Variants in TMCC3 observed in about 807,000 individuals in gnomAD.
TMCC3 encodes the protein transmembrane and coiled-coil domain family 3, also known as transmembrane and coiled-coil domain protein 3.
TMCC3 carries 28 observed loss-of-function variants against 40.2 expected under a neutral mutation model. The ratio of observed to expected loss-of-function variants is 0.70; its 90% CI spans 0.52 to 0.95. The LOEUF is 0.95. Among genes scored for constraint, TMCC3 ranks in the 40% least tolerant of loss-of-function variants. The pLI is 0.00. For synonymous variants in TMCC3, 255 were observed against 248.5 expected (o/e 1.03, Z -0.25); for missense variants, 554 against 615.2 (o/e 0.90, Z 1.05).
rs920933661 is a variant in TMCC3 at position 94,645,469 on chromosome 12, C to T, written c.78+4884G>A. ...AGTTTTGTTTCGGAGATGGAGTCTC[C>T]CTCTGTTGCCCAGGCTGGAGTGCAA... On this transcript the variant is annotated intron_variant, in intron 1 of 3. Coordinates refer to ENST00000261226, the MANE Select transcript of TMCC3 (RefSeq NM_020698.4). Among the ~76,000 whole-genome samples the T allele has an allele frequency of 2.0e-5, 3 of 152,218 alleles. No individual in the cohort carries two copies. In the East Asian group the frequency reaches 5.8e-4, roughly 29 times the overall value.
intron 1 of TMCC3, among the ~76,000 whole-genome samples, chr12:94,617,594 C>A (rs2068854579): frequency 6.6e-6 from 1 of 152,202 alleles, no homozygotes; most frequent in Non-Finnish European, 1.5e-5. Flanking sequence ...CTTTAAATCC[C>A]TTTTGACCAT....
chr12:94,631,691 A>G (rs2068934195), intron 1 of TMCC3, among the ~76,000 whole-genome samples: 1 of 152,250 alleles, frequency 6.6e-6, no homozygotes, highest in Admixed American at 6.5e-5. Flanking sequence ...CATTAGGTTA[A>G]GACAACACTG....
At chr12:94,631,192 A>T (rs1156889035) in intron 1 of TMCC3, among the ~76,000 whole-genome samples, 1 of 152,212 alleles carries the variant, frequency 6.6e-6, no homozygotes, top group Non-Finnish European at 1.5e-5. Context: ...ACAACTGAGA[A>T]TCATTCCAAA....
intron 1 of TMCC3, among the ~76,000 whole-genome samples, chr12:94,619,225 C>T (rs898117392): frequency 3.3e-5 from 5 of 152,194 alleles, no homozygotes; most frequent in Admixed American, 1.3e-4. Context: ...AATTGCTTTA[C>T]GGCTTCTACT....
chr12:94,587,894 AATTCTTCC>A (rs1207579294), intron 1 of TMCC3, among the ~76,000 whole-genome samples: 1 of 152,216 alleles, frequency 6.6e-6, no homozygotes, highest in Non-Finnish European at 1.5e-5. Context: ...AGCCTCTTTC[AATTCTTCC>A]AGAATACTTG....
chr12:94,650,516 C>A lies in TMCC3; in HGVS notation c.-86G>T. 9.1e-7 allele frequency: 1 copy of A among 1,098,078 alleles called. No homozygotes were observed. The highest frequency in any genetic ancestry group is 4.2e-5 in the South Asian group (1 of 23,582). The allele number at this position is 1,098,078 out of a possible 1,614,324, so 68.0% of individuals were successfully genotyped here. A position where few individuals can be genotyped will look rare whatever the true frequency, so the allele number is the denominator to read the frequency against. ...CTGTGCTCGGGATCACCCTGGGAGC[C>A]GCGGGCGAGGGGGCGGCGCGGCTGC... is the stretch of plus-strand genomic sequence containing the variant. On this transcript the variant is annotated 5_prime_UTR_variant, in exon 1 of 4. Transcript: ENST00000261226.
chr12:94,595,244 C>CTT (rs1323024404), intron 1 of TMCC3, among the ~76,000 whole-genome samples: 1 of 152,132 alleles, frequency 6.6e-6, no homozygotes, highest in Non-Finnish European at 1.5e-5. Flanking sequence ...GGTGGGTATA[C>CTT]TTTAACCTGC....
Position 94,578,440 on chromosome 12 carries a change from T to G in TMCC3, c.1085A>C (p.Glu362Ala), listed in dbSNP as rs560378475. 1 of 1,614,158 alleles carries G rather than the reference T, an allele frequency of 6.2e-7. No individual in the cohort carries two copies. Among genetic ancestry groups the G allele is most frequent in the Non-Finnish European group, 8.5e-7 (1 of 1,180,020 alleles). ...ANLKQELASI[E>A]EKVAYQAYER... is the part of the protein sequence containing the mutation. ...GTAGGCCTGGTAGGCCACCTTCTCC[T>G]CAATGCTGGCCAGCTCCTGCTTCAG... The change falls in exon 3 of 4, where the codon GAG (glutamate) becomes GCG (alanine). Residue 362 changes from glutamate to alanine, a missense_variant. Transcript: ENST00000261226.
chr12:94,588,015 C>T (rs748669171), intron 1 of TMCC3, among the ~76,000 whole-genome samples: 1 of 152,282 alleles, frequency 6.6e-6, no homozygotes, highest in East Asian at 1.9e-4. Context: ...CACCCCAATG[C>T]TCTGGAACAA....
chr12:94,598,313 C>T (rs2068730406), intron 1 of TMCC3, among the ~76,000 whole-genome samples: 1 of 152,144 alleles, frequency 6.6e-6, no homozygotes, highest in Non-Finnish European at 1.5e-5. Flanking sequence ...ATACATATAC[C>T]TGTTTCCTTT....
chr12:94,595,241 A>G (rs2068708592), intron 1 of TMCC3, among the ~76,000 whole-genome samples: 1 of 152,172 alleles, frequency 6.6e-6, no homozygotes, highest in African/African-American at 2.4e-5. Flanking sequence ...AGAGGTGGGT[A>G]TACTTTAACC....
intron 1 of TMCC3, among the ~76,000 whole-genome samples, chr12:94,622,694 T>C (rs2068882200): frequency 6.6e-6 from 1 of 152,066 alleles, no homozygotes; most frequent in Admixed American, 6.6e-5. Context: ...CTTGGCATGC[T>C]CAACTCTCCT....
At chr12:94,576,630 C>T (rs938865697) in intron 3 of TMCC3, among the ~76,000 whole-genome samples, 1 of 152,074 alleles carries the variant, frequency 6.6e-6, no homozygotes, top group Admixed American at 6.5e-5. Context: ...TACACACTGC[C>T]ACACCCAGCT....
intron 1 of TMCC3, among the ~76,000 whole-genome samples, chr12:94,592,597 TTGCGCCGC>T (rs2068683907): frequency 3.0e-4 from 4 of 13,426 alleles, no homozygotes; most frequent in African/African-American, 1.1e-3. Context: ...TAAGCCAAGA[TTGCGCCGC>T]TGCAGTAAGC....
chr12:94,588,486 G>T (rs1205746533), intron 1 of TMCC3, among the ~76,000 whole-genome samples: 1 of 152,180 alleles, frequency 6.6e-6, no homozygotes, highest in Non-Finnish European at 1.5e-5. Context: ...ATGAACCTTT[G>T]CTTAAAGAAA....
In TMCC3 at chr12:94,576,719, G is replaced by A. The variant is rs369447064; in HGVS notation, c.1131+1675C>T. On this transcript the variant is annotated intron_variant, in intron 3 of 3. Transcript: ENST00000261226. ...GCTGGTCTCAAACTCCTGGCTTCAA[G>A]TGATCCTCCTGCCTCAACCTACCAA... Among the ~76,000 whole-genome samples the A allele has an allele frequency of 3.3e-3, 495 of 152,282 alleles. 3 individuals carry two copies. Among genetic ancestry groups the A allele is most frequent in the African/African-American group, 0.012 (479 of 41,562 alleles).
At chr12:94,633,176 A>G (rs2138878003) in intron 1 of TMCC3, among the ~76,000 whole-genome samples, 2 of 152,350 alleles carry the variant, frequency 1.3e-5, no homozygotes, top group African/African-American at 4.8e-5. Context: ...GCAGAATTGT[A>G]ACCCAAGAAT....
At position 94,650,349 on chromosome 12, in the gene TMCC3, T is replaced by G; in HGVS notation, c.78+4A>C. ...CCCGCCGCCCCCCAGCCCGCTGCGC[T>G]CACCCGGCTCTTGCAGCGGTGGTGC... is the stretch of plus-strand genomic sequence containing the variant. On this transcript the variant is annotated splice_donor_region_variant and intron_variant, in intron 1 of 3. Coordinates refer to ENST00000261226, the MANE Select transcript of TMCC3 (RefSeq NM_020698.4). The G allele has an allele frequency of 7.6e-7, 1 of 1,310,084 alleles. No homozygotes were observed. Among genetic ancestry groups the G allele is most frequent in the Non-Finnish European group, 9.8e-7 (1 of 1,025,126 alleles). 81.2% of individuals were successfully genotyped at this position (1,310,084 alleles called of 1,614,324 possible). A position where few individuals can be genotyped will look rare whatever the true frequency, so the allele number is the denominator to read the frequency against.
At chr12:94,581,435 G>A (rs2068600316) in intron 2 of TMCC3, among the ~76,000 whole-genome samples, 187 bp downstream of exon 2, 1 of 151,960 alleles carries the variant, frequency 6.6e-6, no homozygotes, top group Non-Finnish European at 1.5e-5. Flanking sequence ...GTAACCATAA[G>A]GCATTCTTAT....
Sources: allele counts gnomAD v4.1 joint callset (sites outside exome capture counted in the v4.1 genomes callset), GRCh38; gene constraint gnomAD v4.1.1; transcripts MANE v1.5; gene names NCBI Gene and HGNC (gene_info 2026-07-23, HGNC 2026-07-21).